TIGAR: variants seen among roughly 807,000 people sequenced by gnomAD.
TIGAR encodes fructose-2,6-bisphosphatase TIGAR.
A neutral mutation model predicts 17.9 loss-of-function variants in TIGAR; 7 were observed. The observed-to-expected ratio is 0.39, with a 90% CI of 0.22 to 0.73. The LOEUF is 0.73. TIGAR is among the 30% of genes least tolerant of loss of function. The pLI, the probability that TIGAR is intolerant of heterozygous loss-of-function variation, is 0.42. For synonymous variants in TIGAR, 94 were observed against 108.6 expected (o/e 0.87, Z 0.84); for missense variants, 258 against 327.4 (o/e 0.79, Z 1.64).
intron 5 of TIGAR, 76 bp downstream of exon 5, chr12:4,351,453 T>C: frequency 8.5e-7 from 1 of 1,176,782 alleles, no homozygotes; most frequent in Non-Finnish European, 1.2e-6. Context: ...AGCTAAGCAG[T>C]TTGAAAGTTG....
chr12:4,325,025 C>T (rs1864528838), intron 1 of TIGAR, among the ~76,000 whole-genome samples: 1 of 150,580 alleles, frequency 6.6e-6, no homozygotes, highest in African/African-American at 2.4e-5. Context: ...TCGCCACAAC[C>T]TCCGCCTCCC....
chr12:4,351,236 T>C, intron 4 of TIGAR, 31 bp from the exon 5 acceptor site: 1 of 1,593,152 alleles, frequency 6.3e-7, no homozygotes, highest in Non-Finnish European at 8.6e-7. Context: ...CAATTTCATT[T>C]GAGAAACTGT....
At chr12:4,327,729 G>T (rs144427122) in intron 1 of TIGAR, among the ~76,000 whole-genome samples, 8 of 152,134 alleles carry the variant, frequency 5.3e-5, no homozygotes, top group South Asian at 2.1e-4. Context: ...TTTTGAGGGC[G>T]CAATCTCGGC....
intron 1 of TIGAR, among the ~76,000 whole-genome samples, chr12:4,327,333 C>T (rs981888657): frequency 6.6e-6 from 1 of 150,662 alleles, no homozygotes; most frequent in African/African-American, 2.4e-5. Context: ...CGCTTGAATC[C>T]TGGAGTTGGA....
intron 3 of TIGAR, among the ~76,000 whole-genome samples, chr12:4,340,730 G>A (rs948315607): frequency 6.6e-6 from 1 of 152,160 alleles, no homozygotes; most frequent in Non-Finnish European, 1.5e-5. Context: ...AGAGAACCCA[G>A]AAACAAATCC....
chr12:4,341,524 A>AC (rs1218581405), intron 3 of TIGAR, among the ~76,000 whole-genome samples: 1 of 152,194 alleles, frequency 6.6e-6, no homozygotes, highest in Non-Finnish European at 1.5e-5. Context: ...ACGGCCGGGT[A>AC]CCCCTCTGAG....
chr12:4,344,572 T>TA (rs1379802664), intron 3 of TIGAR, among the ~76,000 whole-genome samples: 1 of 152,180 alleles, frequency 6.6e-6, no homozygotes, highest in Admixed American at 6.5e-5. Context: ...TGGTTCAACA[T>TA]ATGCAGATCA....
chr12:4,351,221 T>C (rs1157176036), intron 4 of TIGAR, 46 bp from the exon 5 acceptor site: 10 of 1,555,976 alleles, frequency 6.4e-6, no homozygotes, highest in East Asian at 2.2e-5. Flanking sequence ...TTAATTGTTA[T>C]ATTGCAATTT....
At chr12:4,326,513 C>T (rs554768865) in intron 1 of TIGAR, among the ~76,000 whole-genome samples, 29 of 152,222 alleles carry the variant, frequency 1.9e-4, no homozygotes, top group African/African-American at 6.0e-4. Flanking sequence ...GTGATTTGAA[C>T]GCAAAAATGC....
intron 1 of TIGAR, 75 bp from the exon 2 acceptor site, chr12:4,331,205 G>T: frequency 7.7e-7 from 1 of 1,306,816 alleles, no homozygotes; most frequent in South Asian, 1.2e-5. Context: ...CACCACACTT[G>T]ATTGCTCATT....
Position 4,352,630 on chromosome 12 carries a change from C to T in TIGAR, c.752C>T (p.Thr251Met), listed in dbSNP as rs200369965. ...GAGGAAGGAAGAGAAGTTAAACCAACGGTTCAGTGTATTTGTATGAACCTA... is the reference window on the plus strand; with the variant it reads ...GAGGAAGGAAGAGAAGTTAAACCAATGGTTCAGTGTATTTGTATGAACCTA... ...NFEEGREVKP[T>M]VQCICMNLQD... The change falls in exon 6 of 6, where the codon ACG (threonine) becomes ATG (methionine). Residue 251 changes from threonine to methionine, a missense_variant. Coordinates refer to ENST00000179259, the MANE Select transcript of TIGAR (RefSeq NM_020375.3). 4.5e-4 allele frequency: 729 copies of T among 1,608,144 alleles called. 3 individuals are homozygous for T. The East Asian group carries it at 0.012, about 27-fold the overall frequency.
chr12:4,324,743 C>G lies in TIGAR; in HGVS notation c.32+3440C>G. On this transcript the variant is annotated intron_variant, in intron 1 of 5. Coordinates refer to ENST00000179259, the MANE Select transcript of TIGAR (RefSeq NM_020375.3). ...TCGCAGGACACGTCCCGTCCCGCAG[C>G]TGGTCCAAGTCTGTGCCGCGGTAGG... The G allele has an allele frequency of 4.1e-6, 3 of 725,614 alleles. No homozygotes were observed. In the South Asian group the frequency reaches 4.5e-5, roughly 11 times the overall value. The allele number at this position is 725,614 out of a possible 1,614,324, so 44.9% of individuals were successfully genotyped here.
In TIGAR at chr12:4,337,045, GA is replaced by G. The variant is rs1386589466; in HGVS notation, c.78del (p.Val27Ter). ...FNKEKIIQGQ[G>X]VDEPLSETGF... ...TCTTCTTAATATATCACAGGACAAG[GA>G]GTAGATGAACCTCTTTCAGAAACTG... On this transcript the variant is annotated frameshift_variant, in exon 3 of 6. Transcript: ENST00000179259. LOFTEE classifies it high-confidence loss of function. The G allele has an allele frequency of 6.2e-7, 1 of 1,607,914 alleles. No homozygotes were observed. Among genetic ancestry groups the G allele is most frequent in the South Asian group, 1.1e-5 (1 of 90,868 alleles).
At chr12:4,348,985 G>T (rs1036995024) in intron 3 of TIGAR, among the ~76,000 whole-genome samples, 6 of 152,144 alleles carry the variant, frequency 3.9e-5, no homozygotes, top group African/African-American at 1.4e-4. Context: ...GTAATAAACT[G>T]TAAAAAAGAG....
chr12:4,329,109 T>C (rs1239265901), intron 1 of TIGAR, among the ~76,000 whole-genome samples: 5 of 152,234 alleles, frequency 3.3e-5, no homozygotes, highest in African/African-American at 1.2e-4. Flanking sequence ...ATACCCTGCT[T>C]TTTCTACTTA....
At position 4,351,389 on chromosome 12, in the gene TIGAR, T is replaced by C; in HGVS notation, c.381+12T>C. Reference sequence around the variant, plus strand: ...AGACGCTGGACCAGGTATGTGGCGCTGCCGATGTCAGAATGGTTGAATTAA... The same window carrying C: ...AGACGCTGGACCAGGTATGTGGCGCCGCCGATGTCAGAATGGTTGAATTAA... On this transcript the variant is annotated intron_variant, in intron 5 of 5. Coordinates refer to ENST00000179259, the MANE Select transcript of TIGAR (RefSeq NM_020375.3). 1 of 1,607,904 alleles carries C rather than the reference T, an allele frequency of 6.2e-7. No individual in the cohort carries two copies. Among genetic ancestry groups the C allele is most frequent in the African/African-American group, 1.3e-5 (1 of 74,916 alleles).
At position 4,358,272 on chromosome 12, in the gene TIGAR, T is replaced by C. The variant is rs1591668844; in HGVS notation, c.*5581T>C. Among the ~76,000 whole-genome samples, 1 of 147,506 alleles carries C rather than the reference T, an allele frequency of 6.8e-6. No individual in the cohort carries two copies. Among genetic ancestry groups the C allele is most frequent in the East Asian group, 2.0e-4 (1 of 5,100 alleles). ...CCTGTCTTTACTAAAAATACAAAAA[T>C]TAGCTGGGCGTCTCCAAAAAAAAAA... is the stretch of plus-strand genomic sequence containing the variant. On this transcript the variant is annotated 3_prime_UTR_variant, in exon 6 of 6. Coordinates refer to ENST00000179259, the MANE Select transcript of TIGAR (RefSeq NM_020375.3).
At chr12:4,347,497 G>A (rs931456756) in intron 3 of TIGAR, among the ~76,000 whole-genome samples, 6 of 152,010 alleles carry the variant, frequency 3.9e-5, no homozygotes, top group African/African-American at 1.5e-4. Context: ...GCAACAGGGT[G>A]GCTATAGTCA....
At position 4,359,302 on chromosome 12, in the gene TIGAR, T is replaced by G. The variant is rs377684146; in HGVS notation, c.*6611T>G. On this transcript the variant is annotated 3_prime_UTR_variant, in exon 6 of 6. Coordinates refer to ENST00000179259, the MANE Select transcript of TIGAR (RefSeq NM_020375.3). ...TGGTTACACAGTCCCAACTTTGTCC[T>G]GTGGGAACCCTTTCAGGCTGGCTCT... is the stretch of plus-strand genomic sequence containing the variant. 6.6e-6 allele frequency among the ~76,000 whole-genome samples: 1 copy of G among 152,222 alleles called. No homozygotes were observed. The highest frequency in any genetic ancestry group is 2.4e-5 in the African/African-American group (1 of 41,462).
Sources: gnomAD v4.1 joint callset for allele counts (sites outside exome capture counted in the v4.1 genomes callset) on GRCh38, gnomAD v4.1.1 for gene constraint, MANE v1.5 for transcripts, NCBI Gene and HGNC (gene_info 2026-07-23, HGNC 2026-07-21) for gene names.